The following RAB28 variants were observed in gnomAD, a reference collection of about 807,000 sequenced individuals.
The protein encoded by RAB28 is ras-related protein Rab-28.
Under a neutral mutation model 31.7 loss-of-function variants are expected in RAB28, and 24 were observed. The observed-to-expected ratio is 0.76, with a 90% CI of 0.55 to 1.06. The LOEUF is 1.06. Among genes scored for constraint, RAB28 ranks in the 50% least tolerant of loss-of-function variants. The probability of loss-of-function intolerance (pLI) is 0.00; values close to 1 mark genes in which losing one functional copy is unlikely to be tolerated. For missense variants in RAB28, 254 were observed against 258.5 expected, an observed-to-expected ratio of 0.98 and a Z score of 0.12; for synonymous variants, 100 against 90.4, an observed-to-expected ratio of 1.11 and a Z score of -0.60.
intron 4 of RAB28, among the ~76,000 whole-genome samples, chr4:13,384,132 A>G (rs1309364789): frequency 6.6e-6 from 1 of 152,142 alleles, no homozygotes; most frequent in Non-Finnish European, 1.5e-5. Context: ...GAGTGAAACT[A>G]GGAAGGGAGA....
chr4:13,439,308 ATATTTAAG>A (rs956682180), intron 4 of RAB28, among the ~76,000 whole-genome samples: 2 of 151,240 alleles, frequency 1.3e-5, no homozygotes, highest in East Asian at 1.9e-4. Flanking sequence ...TTTAGGTTTT[ATATTTAAG>A]TATTTAAGAC....
At chr4:13,483,846 C>A (rs1321503927) in intron 1 of RAB28, among the ~76,000 whole-genome samples, 2 of 152,210 alleles carry the variant, frequency 1.3e-5, no homozygotes, top group Non-Finnish European at 2.9e-5. Flanking sequence ...AGTTCGCAAT[C>A]CAGGCGGGGA....
chr4:13,378,357 T>C (rs1729001784), intron 5 of RAB28, among the ~76,000 whole-genome samples: 1 of 152,122 alleles, frequency 6.6e-6, no homozygotes, highest in Admixed American at 6.6e-5. Context: ...ACCATTGGAT[T>C]CAGCAAAAAG....
At chr4:13,399,989 C>G (rs188506598) in intron 4 of RAB28, among the ~76,000 whole-genome samples, 1 of 152,064 alleles carries the variant, frequency 6.6e-6, no homozygotes. Flanking sequence ...TTTTTTTATT[C>G]TGTAAAGTTG....
At chr4:13,443,228 C>T (rs1714516284) in intron 4 of RAB28, among the ~76,000 whole-genome samples, 1 of 151,392 alleles carries the variant, frequency 6.6e-6, no homozygotes, top group African/African-American at 2.4e-5. Flanking sequence ...GGCTGGAGTG[C>T]AGTGGCACGA....
At chr4:13,395,755 G>A (rs1024593898) in intron 4 of RAB28, among the ~76,000 whole-genome samples, 1 of 152,072 alleles carries the variant, frequency 6.6e-6, no homozygotes, top group Non-Finnish European at 1.5e-5. Context: ...ACAGATCAGA[G>A]CTACTGATCA....
At chr4:13,474,895 A>G (rs1560147156) in intron 2 of RAB28, among the ~76,000 whole-genome samples, 1 of 151,622 alleles carries the variant, frequency 6.6e-6, no homozygotes, top group Non-Finnish European at 1.5e-5. Context: ...TTTCAGCTCA[A>G]ATTAATGAAT....
At position 13,421,138 on chromosome 4, in the gene RAB28, G is replaced by A. The variant is rs189662986; in HGVS notation, c.392-39544C>T. Among the ~76,000 whole-genome samples the A allele has an allele frequency of 7.0e-3, 1,066 of 152,260 alleles. 4 individuals are homozygous for A. Among genetic ancestry groups the A allele is most frequent in the Non-Finnish European group, 0.012 (817 of 68,014 alleles). ...AGACAAACAGAGAGCCAAATCATGA[G>A]TGAACTCCCATTCACAATTGCTTCA... On this transcript the variant is annotated intron_variant, in intron 4 of 6. Transcript: ENST00000330852.
chr4:13,381,211 T>G (rs1345512430), intron 5 of RAB28, among the ~76,000 whole-genome samples: 2 of 152,124 alleles, frequency 1.3e-5, no homozygotes, highest in Non-Finnish European at 2.9e-5. Flanking sequence ...GAAAAGAGAC[T>G]AGATGGAATC....
chr4:13,463,045 T>C (rs567585053), intron 3 of RAB28, among the ~76,000 whole-genome samples: 1 of 152,288 alleles, frequency 6.6e-6, no homozygotes, highest in East Asian at 1.9e-4. Context: ...TATGCCTACA[T>C]TATAAAGTGA....
intron 4 of RAB28, among the ~76,000 whole-genome samples, chr4:13,392,942 A>G (rs1383566493): frequency 2.6e-5 from 4 of 152,220 alleles, no homozygotes; most frequent in Non-Finnish European, 5.9e-5. Flanking sequence ...AAGATGAATA[A>G]ATACACAAAA....
At chr4:13,387,654 T>C (rs992377901) in intron 4 of RAB28, among the ~76,000 whole-genome samples, 25 of 152,082 alleles carry the variant, frequency 1.6e-4, no homozygotes, top group African/African-American at 6.0e-4. Flanking sequence ...TGGTATTTGC[T>C]AGATTCTCCT....
At chr4:13,444,273 C>T (rs1043698091) in intron 4 of RAB28, among the ~76,000 whole-genome samples, 12 of 151,980 alleles carry the variant, frequency 7.9e-5, no homozygotes, top group African/African-American at 2.2e-4. Context: ...ATGATCCACC[C>T]GCCTCAGCCT....
intron 4 of RAB28, among the ~76,000 whole-genome samples, chr4:13,453,746 T>C (rs934390183): frequency 2.6e-5 from 4 of 152,164 alleles, no homozygotes; most frequent in African/African-American, 9.7e-5. Flanking sequence ...CACTACTCTT[T>C]GCTGTTTTTA....
At chr4:13,449,779 T>C (rs1265525673) in intron 4 of RAB28, among the ~76,000 whole-genome samples, 1 of 151,852 alleles carries the variant, frequency 6.6e-6, no homozygotes, top group African/African-American at 2.4e-5. Flanking sequence ...AGCATGATAA[T>C]TCCCACCCCC....
intron 4 of RAB28, among the ~76,000 whole-genome samples, chr4:13,414,806 T>A (rs1712652972): frequency 6.6e-6 from 1 of 152,242 alleles, no homozygotes. Context: ...TAATCCATTA[T>A]GAATAAGCAA....
intron 4 of RAB28, among the ~76,000 whole-genome samples, chr4:13,400,535 T>C (rs1560277515): frequency 6.6e-6 from 1 of 152,184 alleles, no homozygotes; most frequent in Non-Finnish European, 1.5e-5. Flanking sequence ...CCTTTTCAAT[T>C]TGTATGTTTT....
intron 4 of RAB28, among the ~76,000 whole-genome samples, chr4:13,418,913 A>T (rs1294908614): frequency 6.6e-6 from 1 of 152,202 alleles, no homozygotes; most frequent in Non-Finnish European, 1.5e-5. Flanking sequence ...TACTTACCTT[A>T]AATGTAAATG....
rs1716462610 is a variant in RAB28, at chr4:13,478,439, C to T, written c.172+991G>A. ...ATTACTAAGGAGATAAGAAGAATAC[C>T]TCCATTACCAAGAGTTTTCATTACC... On this transcript the variant is annotated intron_variant, in intron 2 of 6. Transcript: ENST00000330852. Among the ~76,000 whole-genome samples the T allele has an allele frequency of 2.0e-5, 3 of 151,492 alleles. No homozygotes were observed. The South Asian group carries it at 6.2e-4, about 31-fold the overall frequency.
Sources: gnomAD v4.1 joint callset for allele counts (sites outside exome capture counted in the v4.1 genomes callset) on GRCh38, gnomAD v4.1.1 for gene constraint, MANE v1.5 for transcripts, NCBI Gene and HGNC (gene_info 2026-07-23, HGNC 2026-07-21) for gene names.